Variants in PRKD2 observed in about 807,000 individuals in gnomAD.
PRKD2 encodes the protein serine/threonine-protein kinase D2.
Under a neutral mutation model 86.0 loss-of-function variants are expected in PRKD2, and 22 were observed. The ratio of observed to expected loss-of-function variants is 0.26; its 90% CI spans 0.18 to 0.37. The LOEUF is 0.37. Ranked by LOEUF, PRKD2 falls within the 10% of genes least tolerant of loss-of-function variation. The probability of loss-of-function intolerance (pLI) is 1.00; values close to 1 mark genes in which losing one functional copy is unlikely to be tolerated. For missense variants in PRKD2, 818 were observed against 1,199.2 expected (o/e 0.68, Z 4.70); for synonymous variants, 509 against 510.9 (o/e 1.00, Z 0.05).
intron 15 of PRKD2, among the ~76,000 whole-genome samples, chr19:46,679,546 G>A (rs1300053511): frequency 6.6e-6 from 1 of 152,194 alleles, no homozygotes; most frequent in Non-Finnish European, 1.5e-5. Context: ...CCTCCTCTCA[G>A]GCTTTCCTGG....
chr19:46,714,327 T>C, intron 1 of PRKD2: 1 of 1,095,292 alleles, frequency 9.1e-7, no homozygotes, highest in Non-Finnish European at 1.1e-6. Flanking sequence ...GAATGAACAC[T>C]CCCTCCCCTG....
rs371552622 is a variant in PRKD2 at position 46,678,670 on chromosome 19, A to G, written c.2071-7T>C. ...CAAAGTCACACAGCTTCACCTGCAG[A>G]GGGCAAGGGATGGAGGCTCCACCAG... is the stretch of plus-strand genomic sequence containing the variant. On this transcript the variant is annotated splice_region_variant and splice_polypyrimidine_tract_variant and intron_variant, in intron 15 of 17. Transcript: ENST00000291281. This position sits in a 1 kb window ranked among gnomAD's most constrained non-coding sequence, Gnocchi z 5.7. 5.0e-6 allele frequency: 8 copies of G among 1,599,482 alleles called. No individual in the cohort carries two copies. The highest frequency in any genetic ancestry group is 1.3e-5 in the African/African-American group (1 of 74,864).
At chr19:46,699,256 C>A (rs575329790) in intron 7 of PRKD2, among the ~76,000 whole-genome samples, 2 of 152,142 alleles carry the variant, frequency 1.3e-5, no homozygotes, top group African/African-American at 4.8e-5. Context: ...ACTTCCTCAG[C>A]GAGGTCTCCT....
intron 3 of PRKD2, 123 bp from the exon 4 acceptor site, chr19:46,704,772 G>A (rs2053690024): frequency 1.6e-6 from 2 of 1,270,636 alleles, no homozygotes; most frequent in East Asian, 2.5e-5. Context: ...CCGCCAGCAC[G>A]ATCTCCTCCA....
At chr19:46,699,502 T>G (rs1042273738) in intron 7 of PRKD2, among the ~76,000 whole-genome samples, 3 of 152,098 alleles carry the variant, frequency 2.0e-5, no homozygotes, top group African/African-American at 7.2e-5. Flanking sequence ...TACCCCAGGT[T>G]TATCACCCCG....
In PRKD2 at chr19:46,692,080, A is replaced by G. The variant is rs1301149279; in HGVS notation, c.1577-95T>C. ...AGCAGACTTGGGAGTCAGGCCACCC[A>G]GATTTGAATCCAATGTTCGATACAA... On this transcript the variant is annotated intron_variant, in intron 10 of 17. Coordinates refer to ENST00000291281, the MANE Select transcript of PRKD2 (RefSeq NM_016457.5). 1.3e-5 allele frequency: 16 copies of G among 1,243,282 alleles called. No homozygotes were observed. In the Admixed American group the frequency reaches 2.8e-4, roughly 22 times the overall value. The allele number at this position is 1,243,282 out of a possible 1,614,324, so 77.0% of individuals were successfully genotyped here.
chr19:46,695,315 T>C (rs1405584179), intron 9 of PRKD2, among the ~76,000 whole-genome samples: 1 of 152,148 alleles, frequency 6.6e-6, no homozygotes, highest in Non-Finnish European at 1.5e-5. Flanking sequence ...TGAAAGCCCA[T>C]CTCTACTAAA....
intron 8 of PRKD2, 70 bp downstream of exon 8, chr19:46,697,663 C>A: frequency 7.0e-7 from 1 of 1,431,712 alleles, no homozygotes; most frequent in Non-Finnish European, 9.7e-7. Context: ...CCTAGCCCCG[C>A]CTACTCAAGC....
rs746759244 is a variant in PRKD2 at position 46,704,360 on chromosome 19, C to A, written c.698G>T (p.Arg233Leu). 6 of 1,613,960 alleles carry A rather than the reference C, an allele frequency of 3.7e-6. No individual in the cohort carries two copies. Among genetic ancestry groups the A allele is most frequent in the Admixed American group, 1.7e-5 (1 of 60,014 alleles). ...SRSTTELLPR[R>L]PPSSSSSSSA... Reference sequence around the variant, plus strand: ...AGAGGAGGAAGAGGATGACGGGGGACGGCGAGGCAGGAGTTCGGTGGTGCT... The same window carrying A: ...AGAGGAGGAAGAGGATGACGGGGGAAGGCGAGGCAGGAGTTCGGTGGTGCT... The change falls in exon 5 of 18, where the codon CGT becomes CTT. Residue 233 changes from arginine to leucine, a missense_variant. Physicochemically the swap from Arg to Leu is moderately radical, Grantham distance 102. This residue lies in a region of PRKD2 where 403 missense variants were observed against 518.6 expected (regional missense o/e 0.78). Transcript: ENST00000291281.
Position 46,678,369 on chromosome 19 carries a change from C to T in PRKD2, c.2338+27G>A, listed in dbSNP as rs1265112103. 1 of 1,611,780 alleles carries T rather than the reference C, an allele frequency of 6.2e-7. No homozygotes were observed. On this transcript the variant is annotated intron_variant, in intron 16 of 17. Coordinates refer to ENST00000291281, the MANE Select transcript of PRKD2 (RefSeq NM_016457.5). The surrounding 1 kb of genome is among the most constrained non-coding windows in gnomAD (Gnocchi z 5.7). ...CCAGCCCCACCCCACAACCCACCCG[C>T]CCATGGGGTAGGCGGGCCCCAGGCA...
In PRKD2 at chr19:46,716,161, C is replaced by T; in HGVS notation, c.210G>A (p.Lys70=). The change falls in exon 1 of 18, where the codon AAG becomes AAA. Residue 70 remains lysine (K), a synonymous_variant. Transcript: ENST00000291281. This position sits in a 1 kb window ranked among gnomAD's most constrained non-coding sequence, Gnocchi z 7.9. ...GGTCCACGATGGAACAGGCCAGCTG[C>T]TTCACATGAGCCAGCTCGGAGGCGG... The part of the protein sequence containing the change: ...LPAASELAHV[K]QLACSIVDQK... 2 of 1,611,720 alleles carry T rather than the reference C, an allele frequency of 1.2e-6. No individual in the cohort carries two copies. Among genetic ancestry groups the T allele is most frequent in the Non-Finnish European group, 1.7e-6 (2 of 1,179,490 alleles).
At chr19:46,700,368 C>G (rs1240066893) in intron 7 of PRKD2, among the ~76,000 whole-genome samples, 1 of 151,780 alleles carries the variant, frequency 6.6e-6, no homozygotes, top group African/African-American at 2.4e-5. Flanking sequence ...CAGTGGGCAA[C>G]AAAGCAAGAC....
intron 14 of PRKD2, among the ~76,000 whole-genome samples, 163 bp downstream of exon 14, chr19:46,689,374 C>G (rs1269791091): frequency 6.6e-6 from 1 of 152,080 alleles, no homozygotes; most frequent in African/African-American, 2.4e-5. Flanking sequence ...TCCCAAAGTG[C>G]TGGGATTACG....
intron 13 of PRKD2, 25 bp from the exon 14 acceptor site, chr19:46,689,723 G>A: frequency 1.2e-6 from 2 of 1,613,244 alleles, no homozygotes; most frequent in Non-Finnish European, 1.7e-6. Context: ...GCGGGGTCAG[G>A]GCCCAGGTAA....
Position 46,704,356 on chromosome 19 carries a change from G to C in PRKD2, c.702C>G (p.Pro234=). The C allele has an allele frequency of 1.9e-6, 3 of 1,614,130 alleles. No homozygotes were observed. Among genetic ancestry groups the C allele is most frequent in the African/African-American group, 1.3e-5 (1 of 75,050 alleles). ...CAGAAGAGGAGGAAGAGGATGACGG[G>C]GGACGGCGAGGCAGGAGTTCGGTGG... ...RSTTELLPRR[P]PSSSSSSSAS... The change falls in exon 5 of 18, where the codon CCC becomes CCG. Residue 234 remains proline (P), a synonymous_variant. Coordinates refer to ENST00000291281, the MANE Select transcript of PRKD2 (RefSeq NM_016457.5).
chr19:46,705,029 AC>A (rs2053694541), intron 3 of PRKD2, among the ~76,000 whole-genome samples: 2 of 144,428 alleles, frequency 1.4e-5, no homozygotes. Flanking sequence ...CACGCCTCAC[AC>A]CCAAAATTTT....
At chr19:46,681,203 G>A (rs949103531) in intron 15 of PRKD2, among the ~76,000 whole-genome samples, 238 of 146,618 alleles carry the variant, frequency 1.6e-3, no homozygotes, top group African/African-American at 5.5e-3. Context: ...TGAACTGCCC[G>A]CCTCGGCCTC....
In PRKD2 at chr19:46,678,733, C is replaced by T. The variant is rs2053251187; in HGVS notation, c.2071-70G>A. 1.3e-6 allele frequency: 2 copies of T among 1,506,214 alleles called. No individual in the cohort carries two copies. The highest frequency in any genetic ancestry group is 1.4e-5 in the African/African-American group (1 of 73,036). The allele number at this position is 1,506,214 out of a possible 1,614,324, so 93.3% of individuals were successfully genotyped here. A position where few individuals can be genotyped will look rare whatever the true frequency, so the allele number is the denominator to read the frequency against. Reference sequence around the variant, plus strand: ...CACCCACCCCAGCATCCCCACCACACCACCCTCCATGGTATTCCAGAGAAA... The same window carrying T: ...CACCCACCCCAGCATCCCCACCACATCACCCTCCATGGTATTCCAGAGAAA... On this transcript the variant is annotated intron_variant, in intron 15 of 17. Transcript: ENST00000291281. This position sits in a 1 kb window ranked among gnomAD's most constrained non-coding sequence, Gnocchi z 5.7.
At chr19:46,707,019 G>A (rs191631906) in intron 3 of PRKD2, among the ~76,000 whole-genome samples, 10 of 150,852 alleles carry the variant, frequency 6.6e-5, no homozygotes, top group Admixed American at 6.0e-4. Context: ...TCAGCCTCCC[G>A]AGTAGCTGGG....
Sources: allele counts gnomAD v4.1 joint callset (sites outside exome capture counted in the v4.1 genomes callset), GRCh38; gene constraint gnomAD v4.1.1; regional missense constraint gnomAD v4.1.1; non-coding constraint Gnocchi (gnomAD v3.1); transcripts MANE v1.5; gene names NCBI Gene and HGNC (gene_info 2026-07-23, HGNC 2026-07-21).